Variants in GRK5 observed in about 807,000 individuals in gnomAD.
GRK5 encodes the protein G protein-coupled receptor kinase 5.
A neutral mutation model predicts 78.4 loss-of-function variants in GRK5; 40 were observed. That is an observed-to-expected ratio of 0.51 (90% CI 0.40 to 0.66). The LOEUF (loss-of-function observed/expected upper bound fraction) is 0.66, where lower values mean the gene tolerates loss of function less well. Ranked by LOEUF, GRK5 falls within the 30% of genes least tolerant of loss-of-function variation. The probability of loss-of-function intolerance (pLI) is 0.00; values close to 1 mark genes in which losing one functional copy is unlikely to be tolerated. For missense variants in GRK5, 598 were observed against 759.9 expected, an observed-to-expected ratio of 0.79 and a Z score of 2.50; for synonymous variants, 289 against 296.8, an observed-to-expected ratio of 0.97 and a Z score of 0.27.
chr10:119,443,833 G>A (rs1391764966), intron 12 of GRK5, 81 bp downstream of exon 12: 5 of 1,228,802 alleles, frequency 4.1e-6, no homozygotes, highest in Non-Finnish European at 5.7e-6. Context: ...CCCCAGAACA[G>A]CAAACAGGCT....
intron 1 of GRK5, among the ~76,000 whole-genome samples, chr10:119,246,441 G>A (rs1849115451): frequency 6.6e-6 from 1 of 152,104 alleles, no homozygotes; most frequent in African/African-American, 2.4e-5. Context: ...GGATAGGGAG[G>A]GCTGACTGTA....
chr10:119,400,680 G>A (rs915752243), intron 4 of GRK5, among the ~76,000 whole-genome samples: 8 of 152,198 alleles, frequency 5.3e-5, no homozygotes, highest in African/African-American at 1.9e-4. Context: ...TGGCAGCAGT[G>A]TGGAGTTGCC....
At chr10:119,404,492 G>C (rs543997218) in intron 4 of GRK5, among the ~76,000 whole-genome samples, 13 of 152,156 alleles carry the variant, frequency 8.5e-5, no homozygotes, top group Non-Finnish European at 1.6e-4. Context: ...AGCGTCCTTT[G>C]AATCACAAAG....
chr10:119,256,230 G>T (rs554052776), intron 1 of GRK5, among the ~76,000 whole-genome samples: 109 of 152,248 alleles, frequency 7.2e-4, no homozygotes, highest in Non-Finnish European at 1.1e-3. Context: ...CTCGACTCCT[G>T]TGGAGACTCT....
intron 1 of GRK5, among the ~76,000 whole-genome samples, chr10:119,277,830 A>G (rs1849693644): frequency 6.6e-6 from 1 of 152,134 alleles, no homozygotes; most frequent in African/African-American, 2.4e-5. Context: ...TTGTCTATAG[A>G]TGGAATCATA....
At chr10:119,396,798 C>T in intron 4 of GRK5, 26 bp downstream of exon 4, 1 of 1,561,970 alleles carries the variant, frequency 6.4e-7, no homozygotes, top group Non-Finnish European at 8.8e-7. Flanking sequence ...AACCCCACAG[C>T]AGGTGGCACA....
Position 119,379,892 on chromosome 10 carries a change from A to G in GRK5, c.149-923A>G, listed in dbSNP as rs1851685451. 6.6e-6 allele frequency among the ~76,000 whole-genome samples: 1 copy of G among 152,006 alleles called. No individual in the cohort carries two copies. The highest frequency in any genetic ancestry group is 1.5e-5 in the Non-Finnish European group (1 of 67,988). On this transcript the variant is annotated intron_variant, in intron 2 of 15. Transcript: ENST00000392870. The surrounding 1 kb of genome is among the most constrained non-coding windows in gnomAD (Gnocchi z 4.1). ...TGAATTGCTTGAAGTAACACAGCAA[A>G]TTGTTGGCTAACACCATGGTCTCTG...
intron 10 of GRK5, among the ~76,000 whole-genome samples, chr10:119,440,235 G>A (rs553842223): frequency 1.3e-5 from 2 of 152,262 alleles, no homozygotes; most frequent in Admixed American, 6.5e-5. Flanking sequence ...GGAATTGCTT[G>A]TCAGTCTAGC....
At chr10:119,380,673 T>C (rs1212969369) in intron 2 of GRK5, 142 bp from the exon 3 acceptor site, 1 of 584,404 alleles carries the variant, frequency 1.7e-6, no homozygotes, top group Non-Finnish European at 3.1e-6. Flanking sequence ...GTGAAGACCA[T>C]GAAATGAAGA....
chr10:119,249,558 C>T (rs1223851068), intron 1 of GRK5, among the ~76,000 whole-genome samples: 1 of 152,176 alleles, frequency 6.6e-6, no homozygotes, highest in Middle Eastern at 3.4e-3. Flanking sequence ...AGTGCAATGG[C>T]GCGATCTCGG....
intron 1 of GRK5, among the ~76,000 whole-genome samples, chr10:119,235,447 C>T (rs1057035897): frequency 5.3e-5 from 8 of 152,152 alleles, no homozygotes; most frequent in African/African-American, 7.2e-5. Context: ...ATGAGTTCCT[C>T]GGTGAAGAGA....
intron 4 of GRK5, among the ~76,000 whole-genome samples, chr10:119,398,582 G>A (rs1368840931): frequency 6.6e-6 from 1 of 152,216 alleles, no homozygotes; most frequent in African/African-American, 2.4e-5. Flanking sequence ...CCAGTCACAT[G>A]TGTCCCCCCC....
At chr10:119,325,639 T>G (rs572154679) in intron 1 of GRK5, among the ~76,000 whole-genome samples, 3 of 152,286 alleles carry the variant, frequency 2.0e-5, no homozygotes, top group African/African-American at 7.2e-5. Flanking sequence ...TCTGGCCACA[T>G]GGCACAGCAG....
At chr10:119,248,471 C>A (rs765220331) in intron 1 of GRK5, among the ~76,000 whole-genome samples, 7 of 151,972 alleles carry the variant, frequency 4.6e-5, no homozygotes, top group Non-Finnish European at 8.8e-5. Context: ...GAATTCTGTT[C>A]CTAATTTATT....
chr10:119,438,644 GA>G (rs1852971878), intron 9 of GRK5, among the ~76,000 whole-genome samples: 1 of 152,100 alleles, frequency 6.6e-6, no homozygotes, highest in African/African-American at 2.4e-5. Context: ...TCTTCCGGGG[GA>G]AAGAGAACCA....
At chr10:119,322,812 C>G (rs1165804222) in intron 1 of GRK5, among the ~76,000 whole-genome samples, 1 of 152,110 alleles carries the variant, frequency 6.6e-6, no homozygotes, top group African/African-American at 2.4e-5. Context: ...AGTATATACC[C>G]AAAAGAATGG....
intron 4 of GRK5, among the ~76,000 whole-genome samples, chr10:119,402,575 G>A (rs1418666947): frequency 6.6e-6 from 1 of 152,146 alleles, no homozygotes; most frequent in Admixed American, 6.5e-5. Flanking sequence ...TTTTATGGCC[G>A]GGTGCAGTGT....
chr10:119,439,187 A>T (rs1360878157), intron 9 of GRK5, among the ~76,000 whole-genome samples: 1 of 152,258 alleles, frequency 6.6e-6, no homozygotes, highest in Non-Finnish European at 1.5e-5. Context: ...TAGGGACAGG[A>T]TAAGGCAGCC....
chr10:119,345,962 A>C (rs1851083255), intron 2 of GRK5, among the ~76,000 whole-genome samples: 1 of 152,002 alleles, frequency 6.6e-6, no homozygotes, highest in East Asian at 1.9e-4. Flanking sequence ...CTCCAATGTC[A>C]GTGGATCCCT....
Sources: allele counts gnomAD v4.1 joint callset (sites outside exome capture counted in the v4.1 genomes callset), GRCh38; gene constraint gnomAD v4.1.1; non-coding constraint Gnocchi (gnomAD v3.1); transcripts MANE v1.5; gene names NCBI Gene and HGNC (gene_info 2026-07-23, HGNC 2026-07-21).